SPMAP2L: variants seen among roughly 807,000 people sequenced by gnomAD.
The protein encoded by SPMAP2L is sperm microtubule associated protein 2-like.
At chr4:56,623,749 G>T in the SPMAP2L span, among the ~76,000 whole-genome samples, 1 of 152,140 alleles carries the variant, frequency 6.6e-6, no homozygotes, top group Non-Finnish European at 1.5e-5. Context: ...TGCCATGTAA[G>T]AAGTGCCTTT....
the SPMAP2L span, among the ~76,000 whole-genome samples, chr4:56,571,127 TA>T: frequency 3.5e-4 from 50 of 144,892 alleles, no homozygotes; most frequent in Non-Finnish European, 4.6e-4. Context: ...CTTTTTAACT[TA>T]AAAAAAAAAA....
the SPMAP2L span, among the ~76,000 whole-genome samples, chr4:56,577,419 T>A: frequency 6.6e-6 from 1 of 152,134 alleles, no homozygotes; most frequent in African/African-American, 2.4e-5. Context: ...TTGGCCATAC[T>A]GATATCAGAC....
the SPMAP2L span, among the ~76,000 whole-genome samples, chr4:56,583,286 A>G: frequency 6.8e-6 from 1 of 147,774 alleles, no homozygotes. Flanking sequence ...AAAAAAAAAT[A>G]AAAGGAAAAA....
chr4:56,557,867 T>A, the SPMAP2L span: 1 of 152,252 alleles, frequency 6.6e-6, no homozygotes, highest in East Asian at 1.9e-4. Context: ...AGGTAATTTT[T>A]AAAATGCTGT....
chr4:56,593,868 T>C, the SPMAP2L span: 2 of 1,611,130 alleles, frequency 1.2e-6, no homozygotes, highest in Non-Finnish European at 1.7e-6. Flanking sequence ...TCCCATGGGC[T>C]GGAGCATATT....
chr4:56,573,886 C>A, the SPMAP2L span, among the ~76,000 whole-genome samples: 3 of 152,098 alleles, frequency 2.0e-5, no homozygotes, highest in Admixed American at 1.3e-4. Context: ...TACAAGACAC[C>A]AGTTCAGCCT....
At chr4:56,605,325 T>C in the SPMAP2L span, among the ~76,000 whole-genome samples, 5 of 152,276 alleles carry the variant, frequency 3.3e-5, no homozygotes, top group South Asian at 4.1e-4. Flanking sequence ...CAAACAGATA[T>C]GGGTTCTGCT....
chr4:56,608,986 C>T, the SPMAP2L span, among the ~76,000 whole-genome samples: 1 of 151,866 alleles, frequency 6.6e-6, no homozygotes, highest in Non-Finnish European at 1.5e-5. Context: ...CTACCTCTCC[C>T]TTTTGGAATG....
the SPMAP2L span, among the ~76,000 whole-genome samples, chr4:56,544,615 GA>G: frequency 6.6e-6 from 1 of 152,134 alleles, no homozygotes; most frequent in East Asian, 1.9e-4. Context: ...TCATCCGAGA[GA>G]TTTTTTTTTT....
At chr4:56,584,531 C>G in the SPMAP2L span, 4 of 1,534,936 alleles carry the variant, frequency 2.6e-6, no homozygotes, top group Non-Finnish European at 3.5e-6. Flanking sequence ...AGATTCTCTT[C>G]GAATCTCTGA....
At chr4:56,619,489 A>T in the SPMAP2L span, among the ~76,000 whole-genome samples, 1 of 152,212 alleles carries the variant, frequency 6.6e-6, no homozygotes, top group Non-Finnish European at 1.5e-5. Flanking sequence ...ATCATACAGT[A>T]CTTGTCTTTC....
the SPMAP2L span, among the ~76,000 whole-genome samples, chr4:56,573,309 A>G: frequency 0.029 from 4,372 of 152,260 alleles, 207 homozygotes; most frequent in African/African-American, 0.1. Context: ...TTTGTAGAAC[A>G]CTTATGTACT....
At chr4:56,562,891 C>CT in the SPMAP2L span, among the ~76,000 whole-genome samples, 7 of 150,774 alleles carry the variant, frequency 4.6e-5, no homozygotes, top group African/African-American at 2.4e-5. Context: ...TCTTTCTAAA[C>CT]TTTTTTTTAG....
the SPMAP2L span, among the ~76,000 whole-genome samples, chr4:56,592,282 TG>T: frequency 1.3e-5 from 2 of 152,236 alleles, no homozygotes; most frequent in Non-Finnish European, 2.9e-5. Flanking sequence ...TCTGTGAAAC[TG>T]GTCCCTGGTG....
the SPMAP2L span, chr4:56,584,742 T>G: frequency 1.5e-6 from 1 of 656,640 alleles, no homozygotes. Flanking sequence ...TTCTGACTCT[T>G]TCTTCCATGC....
the SPMAP2L span, chr4:56,575,666 T>C: frequency 2.0e-6 from 3 of 1,530,842 alleles, no homozygotes; most frequent in Non-Finnish European, 1.7e-6. Flanking sequence ...AGAATCTCTG[T>C]AAATCCTAAT....
chr4:56,610,312 T>A, the SPMAP2L span, among the ~76,000 whole-genome samples: 1 of 152,166 alleles, frequency 6.6e-6, no homozygotes, highest in Non-Finnish European at 1.5e-5. Context: ...AGCCAACTGA[T>A]ACTTGGCAAA....
chr4:56,555,366 A>G, the SPMAP2L span, among the ~76,000 whole-genome samples: 1 of 152,140 alleles, frequency 6.6e-6, no homozygotes, highest in African/African-American at 2.4e-5. Flanking sequence ...TGCCTTGATT[A>G]CTGTAGCTTT....
chr4:56,599,461 C>T, the SPMAP2L span, among the ~76,000 whole-genome samples: 9 of 152,204 alleles, frequency 5.9e-5, no homozygotes, highest in South Asian at 1.9e-3. Flanking sequence ...TATACATGTG[C>T]CATGGTGGTT....
Sources: gnomAD v4.1 joint callset for allele counts (sites outside exome capture counted in the v4.1 genomes callset) on GRCh38, gnomAD v4.1.1 for gene constraint, MANE v1.5 for transcripts, NCBI Gene and HGNC (gene_info 2026-07-23, HGNC 2026-07-21) for gene names.